GFM1: variants seen among roughly 807,000 people sequenced by gnomAD.
GFM1 encodes elongation factor G, mitochondrial.
Under a neutral mutation model 96.2 loss-of-function variants are expected in GFM1, and 62 were observed. That is an observed-to-expected ratio of 0.64 (90% CI 0.53 to 0.80). The LOEUF (loss-of-function observed/expected upper bound fraction) is 0.80. Among genes scored for constraint, GFM1 ranks in the 30% least tolerant of loss-of-function variants. GFM1 has a pLI of 0.00. For synonymous variants in GFM1, 282 were observed against 312.9 expected (o/e 0.90, Z 1.04); for missense variants, 852 against 916.6 (o/e 0.93, Z 0.91).
intron 13 of GFM1, chr3:158,670,991 TG>T: frequency 1.3e-6 from 2 of 1,530,138 alleles, no homozygotes; most frequent in Non-Finnish European, 1.8e-6. Flanking sequence ...AAATTTAAGG[TG>T]ATACTTATGT....
intron 8 of GFM1, among the ~76,000 whole-genome samples, chr3:158,655,591 C>G (rs2108026243): frequency 6.6e-6 from 1 of 152,024 alleles, no homozygotes; most frequent in Middle Eastern, 3.5e-3. Context: ...GTTGAAATGC[C>G]TATTTTTGAC....
chr3:158,689,172 T>G (rs1218271369), intron 15 of GFM1, among the ~76,000 whole-genome samples: 3 of 152,232 alleles, frequency 2.0e-5, no homozygotes, highest in Non-Finnish European at 4.4e-5. Flanking sequence ...ATTGTTACAT[T>G]TAAACATTAG....
intron 2 of GFM1, 96 bp from the exon 3 acceptor site, chr3:158,646,069 C>T (rs1184353919): frequency 2.1e-6 from 3 of 1,447,540 alleles, no homozygotes; most frequent in South Asian, 2.3e-5. Context: ...AGGCATGAGC[C>T]ACTGCACCTG....
intron 13 of GFM1, among the ~76,000 whole-genome samples, chr3:158,673,669 G>A (rs1185415661): frequency 1.3e-5 from 2 of 151,384 alleles, no homozygotes; most frequent in African/African-American, 2.4e-5. Flanking sequence ...CCACCACAAT[G>A]CCCGGCTAGT....
chr3:158,664,059 C>T (rs1029363250), intron 11 of GFM1, among the ~76,000 whole-genome samples: 3 of 152,206 alleles, frequency 2.0e-5, no homozygotes, highest in Non-Finnish European at 4.4e-5. Flanking sequence ...CTTAACCTCT[C>T]TGTACCTCAT....
chr3:158,675,524 G>A (rs542185019), intron 13 of GFM1, among the ~76,000 whole-genome samples: 1 of 152,028 alleles, frequency 6.6e-6, no homozygotes, highest in East Asian at 1.9e-4. Context: ...ATATAAAACT[G>A]AATTTGATCT....
At position 158,694,778 on chromosome 3, in the gene GFM1, T is replaced by C. The variant is rs538306308; in HGVS notation, c.*3311T>C. Among the ~76,000 whole-genome samples, 3 of 152,284 alleles carry C rather than the reference T, an allele frequency of 2.0e-5. No homozygotes were observed. The highest frequency in any genetic ancestry group is 4.4e-5 in the Non-Finnish European group (3 of 68,026). ...CTTTCAAAAGAACTTGTTCAACTTCTAAAAATTCGTAATTCAGGTAGGAAG... is the reference window on the plus strand; with the variant it reads ...CTTTCAAAAGAACTTGTTCAACTTCCAAAAATTCGTAATTCAGGTAGGAAG... On this transcript the variant is annotated 3_prime_UTR_variant, in exon 18 of 18. Coordinates refer to ENST00000486715, the MANE Select transcript of GFM1 (RefSeq NM_024996.7).
intron 9 of GFM1, among the ~76,000 whole-genome samples, chr3:158,659,909 T>C (rs1723061503): frequency 6.6e-6 from 1 of 152,196 alleles, no homozygotes. Flanking sequence ...AGCTGTTTCA[T>C]GGACCAGAAG....
chr3:158,644,596 C>T lies in GFM1; in HGVS notation c.-39C>T, dbSNP rs373016137. On this transcript the variant is annotated 5_prime_UTR_variant, in exon 1 of 18. Coordinates refer to ENST00000486715, the MANE Select transcript of GFM1 (RefSeq NM_024996.7). ...GTGCGTTACCGGCAGCTGAACCCAC[C>T]CGGCGCCACGGGACTTTGACGCGTG... 1 of 1,536,642 alleles carries T rather than the reference C, an allele frequency of 6.5e-7. No individual in the cohort carries two copies. Among genetic ancestry groups the T allele is most frequent in the Non-Finnish European group, 8.8e-7 (1 of 1,134,558 alleles).
Position 158,666,373 on chromosome 3 carries a change from A to C in GFM1, c.1588A>C (p.Thr530Pro). Reference protein sequence around the residue: ...KPKVAFRETITAPVPFDFTHK... With the variant: ...KPKVAFRETIPAPVPFDFTHK... ...AAAAGTTGCCTTTCGAGAGACCATT[A>C]CTGCCCCTGTCCCGTAAGTATGCAA... is the stretch of plus-strand genomic sequence containing the variant. The change falls in exon 13 of 18, where the codon ACT (threonine) becomes CCT (proline). Residue 530 changes from threonine to proline, a missense_variant. Thr to Pro is a conservative substitution (Grantham distance 38, BLOSUM62 -1). Transcript: ENST00000486715. 6.2e-7 allele frequency: 1 copy of C among 1,613,266 alleles called. No homozygotes were observed. The highest frequency in any genetic ancestry group is 2.2e-5 in the East Asian group (1 of 44,848).
chr3:158,662,949 A>C (rs1723311623), intron 11 of GFM1, among the ~76,000 whole-genome samples: 1 of 152,306 alleles, frequency 6.6e-6, no homozygotes, highest in Admixed American at 6.5e-5. Context: ...CAGAGTGTTA[A>C]GTGTAACTTC....
chr3:158,651,781 A>C lies in GFM1; in HGVS notation c.690-315A>C, dbSNP rs150362156. On this transcript the variant is annotated intron_variant, in intron 5 of 17. Transcript: ENST00000486715. ...TTATCATTTTCTTCTGTAAAACTTG[A>C]TATGCAGAAAAGTAGAATGTGATGT... Among the ~76,000 whole-genome samples, 5 of 152,140 alleles carry C rather than the reference A, an allele frequency of 3.3e-5. No homozygotes were observed. In the East Asian group the frequency reaches 9.7e-4, roughly 29 times the overall value.
chr3:158,672,607 G>A, intron 13 of GFM1: 1 of 1,084,590 alleles, frequency 9.2e-7, no homozygotes, highest in Non-Finnish European at 1.3e-6. Context: ...CCTTCAGTCA[G>A]TCTTCTTCCT....
At position 158,684,674 on chromosome 3, in the gene GFM1, C is replaced by G; in HGVS notation, c.1909+6C>G. ...AGAAGGTGCTCTTAAACAAGGTATG[C>G]TGGGTCCGGGCACCTTAGCCTGTCT... is the stretch of plus-strand genomic sequence containing the variant. On this transcript the variant is annotated splice_donor_region_variant and intron_variant, in intron 15 of 17. Coordinates refer to ENST00000486715, the MANE Select transcript of GFM1 (RefSeq NM_024996.7). 1 of 1,613,810 alleles carries G rather than the reference C, an allele frequency of 6.2e-7. No homozygotes were observed. Among genetic ancestry groups the G allele is most frequent in the Non-Finnish European group, 8.5e-7 (1 of 1,179,872 alleles).
At chr3:158,644,889 C>T (rs1721626303) in intron 1 of GFM1, 174 bp downstream of exon 1, 1 of 632,056 alleles carries the variant, frequency 1.6e-6, no homozygotes, top group African/African-American at 1.8e-5. Flanking sequence ...CTCGTTAGCT[C>T]GTTTGTTTCG....
intron 13 of GFM1, among the ~76,000 whole-genome samples, chr3:158,680,877 A>G (rs1285780106): frequency 3.3e-5 from 5 of 152,166 alleles, no homozygotes; most frequent in Non-Finnish European, 1.5e-5. Context: ...AGTGCTGCCC[A>G]ATAGAACTTG....
chr3:158,660,856 T>C lies in GFM1; in HGVS notation c.1222-18T>C, dbSNP rs1723145772. 1 of 1,592,648 alleles carries C rather than the reference T, an allele frequency of 6.3e-7. No homozygotes were observed. The highest frequency in any genetic ancestry group is 8.6e-7 in the Non-Finnish European group (1 of 1,160,586). ...TGTATTACTTGCAAATATAATTTTG[T>C]GTTATTTGTTTTTTTAGGATGTTGA... On this transcript the variant is annotated intron_variant, in intron 9 of 17. Coordinates refer to ENST00000486715, the MANE Select transcript of GFM1 (RefSeq NM_024996.7).
intron 8 of GFM1, chr3:158,657,650 T>G (rs1208493171): frequency 2.0e-5 from 3 of 152,166 alleles, no homozygotes; most frequent in Non-Finnish European, 2.9e-5. Context: ...TCTACTTCTT[T>G]ATGTTTTTTT....
chr3:158,663,358 G>T (rs1418668946), intron 11 of GFM1, among the ~76,000 whole-genome samples: 2 of 152,090 alleles, frequency 1.3e-5, no homozygotes, highest in African/African-American at 4.8e-5. Flanking sequence ...TGTTAATGTG[G>T]TATATTGAAA....
Sources: gnomAD v4.1 joint callset for allele counts (sites outside exome capture counted in the v4.1 genomes callset) on GRCh38, gnomAD v4.1.1 for gene constraint, MANE v1.5 for transcripts, NCBI Gene and HGNC (gene_info 2026-07-23, HGNC 2026-07-21) for gene names.